WWP1: variants seen among roughly 807,000 people sequenced by gnomAD.
The protein encoded by WWP1 is WW domain containing E3 ubiquitin protein ligase 1.
A neutral mutation model predicts 130.6 loss-of-function variants in WWP1; 49 were observed. The ratio of observed to expected loss-of-function variants is 0.38; its 90% CI spans 0.30 to 0.48. WWP1 has a LOEUF of 0.48. Ranked by LOEUF, WWP1 falls within the 20% of genes least tolerant of loss-of-function variation. The pLI is 0.99. For missense variants in WWP1, 809 were observed against 1,100.6 expected (o/e 0.74, Z 3.75); for synonymous variants, 332 against 367.8 (o/e 0.90, Z 1.11).
chr8:86,424,180 G>T (rs1028055457), intron 9 of WWP1, among the ~76,000 whole-genome samples: 1 of 151,602 alleles, frequency 6.6e-6, no homozygotes, highest in African/African-American at 2.4e-5. Flanking sequence ...TCACGGCTCG[G>T]CAGAGGCGCT....
chr8:86,400,525 A>G (rs925891962), intron 7 of WWP1, among the ~76,000 whole-genome samples: 3 of 152,154 alleles, frequency 2.0e-5, no homozygotes, highest in Non-Finnish European at 4.4e-5. Flanking sequence ...TTAATAAGCC[A>G]CAAATGAACC....
At chr8:86,358,249 A>G (rs1449769756) in intron 1 of WWP1, among the ~76,000 whole-genome samples, 1 of 152,096 alleles carries the variant, frequency 6.6e-6, no homozygotes, top group African/African-American at 2.4e-5. Flanking sequence ...ATGGACTTGA[A>G]TCTTAGATTA....
chr8:86,405,353 A>T, intron 8 of WWP1, among the ~76,000 whole-genome samples: 2 of 138,732 alleles, frequency 1.4e-5, no homozygotes. Context: ...TTTTTGGTAA[A>T]CTCATTTGAT....
intron 20 of WWP1, 70 bp from the exon 21 acceptor site, chr8:86,452,489 T>G: frequency 7.5e-7 from 1 of 1,341,932 alleles, no homozygotes; most frequent in Non-Finnish European, 1.0e-6. Context: ...ACTATAGAAG[T>G]TCTTGGTGTT....
intron 1 of WWP1, among the ~76,000 whole-genome samples, chr8:86,367,032 A>G (rs1277914646): frequency 6.6e-6 from 1 of 152,170 alleles, no homozygotes; most frequent in Admixed American, 6.5e-5. Context: ...ACATTCATTG[A>G]GTTTTAAATT....
intron 8 of WWP1, among the ~76,000 whole-genome samples, chr8:86,406,299 A>G (rs1000503929): frequency 2.0e-5 from 3 of 152,226 alleles, no homozygotes; most frequent in Non-Finnish European, 2.9e-5. Context: ...GGAGAGTGGT[A>G]TTTAAGAAAA....
chr8:86,430,295 T>C (rs1809864050), intron 11 of WWP1, among the ~76,000 whole-genome samples: 1 of 152,150 alleles, frequency 6.6e-6, no homozygotes, highest in Admixed American at 6.6e-5. Flanking sequence ...GATATATTTT[T>C]GAGACAGCTT....
chr8:86,345,512 A>T (rs1385130746), intron 1 of WWP1, among the ~76,000 whole-genome samples: 1 of 151,870 alleles, frequency 6.6e-6, no homozygotes, highest in Admixed American at 6.6e-5. Flanking sequence ...CAGGCTCAAG[A>T]GATTCTCCTG....
At chr8:86,403,696 A>G (rs1808125008) in intron 8 of WWP1, among the ~76,000 whole-genome samples, 1 of 152,134 alleles carries the variant, frequency 6.6e-6, no homozygotes, top group Non-Finnish European at 1.5e-5. Context: ...GAACTGACAC[A>G]TGAATGATAT....
rs559977020 is a variant in WWP1, at chr8:86,422,294, G to C, written c.1062-2929G>C. 3.4e-4 allele frequency among the ~76,000 whole-genome samples: 51 copies of C among 151,052 alleles called. 1 individual carries two copies. In the South Asian group the frequency reaches 0.011, roughly 31 times the overall value. On this transcript the variant is annotated intron_variant, in intron 9 of 24. Coordinates refer to ENST00000517970, the MANE Select transcript of WWP1 (RefSeq NM_007013.4). ...TTGTATTTTAAAATTGAAAACTAGT[G>C]TCTTAAACTCAGAAGTACCAGTTTG...
In WWP1 at chr8:86,348,575, T is replaced by C. The variant is rs75634464; in HGVS notation, c.-115+5645T>C. ...ACAGCACATACTGGCGTACCTACTA[T>C]GTGCCAGACATATTTCTAGGTGCTG... On this transcript the variant is annotated intron_variant, in intron 1 of 24. Coordinates refer to ENST00000517970, the MANE Select transcript of WWP1 (RefSeq NM_007013.4). Among the ~76,000 whole-genome samples, 1,397 of 152,312 alleles carry C rather than the reference T, an allele frequency of 9.2e-3. 14 individuals are homozygous for C. Among genetic ancestry groups the C allele is most frequent in the Non-Finnish European group, 0.016 (1,078 of 68,036 alleles).
At chr8:86,381,446 TTATTAA>T in intron 4 of WWP1, 53 bp from the exon 5 acceptor site, 16 of 1,542,340 alleles carry the variant, frequency 1.0e-5, no homozygotes, top group Non-Finnish European at 1.3e-5. Context: ...GAATTGTTAC[TTATTAA>T]TAGAATGACA....
At chr8:86,461,426 G>A (rs777878304) in intron 23 of WWP1, 106 bp downstream of exon 23, 40 of 973,882 alleles carry the variant, frequency 4.1e-5, no homozygotes, top group Non-Finnish European at 6.1e-5. Flanking sequence ...CTTCTGTGCT[G>A]TAGGTAGGGC....
chr8:86,430,354 C>T (rs986025281), intron 11 of WWP1, among the ~76,000 whole-genome samples: 2 of 152,074 alleles, frequency 1.3e-5, no homozygotes, highest in Admixed American at 6.5e-5. Flanking sequence ...GATCACAGTT[C>T]ACTGTAGCCT....
At chr8:86,361,904 G>A (rs1823621962) in intron 1 of WWP1, among the ~76,000 whole-genome samples, 1 of 150,916 alleles carries the variant, frequency 6.6e-6, no homozygotes, top group Non-Finnish European at 1.5e-5. Context: ...AGAGCAAAGA[G>A]CATATTTTAT....
chr8:86,420,417 C>T (rs1434377759), intron 9 of WWP1, among the ~76,000 whole-genome samples: 3 of 152,084 alleles, frequency 2.0e-5, no homozygotes, highest in Non-Finnish European at 2.9e-5. Context: ...TGTTCCATGG[C>T]TCATCTGTGG....
chr8:86,380,048 G>A (rs1432720607), intron 3 of WWP1, among the ~76,000 whole-genome samples: 1 of 152,120 alleles, frequency 6.6e-6, no homozygotes, highest in Non-Finnish European at 1.5e-5. Context: ...CCACAAAAAA[G>A]CCTGTGCACA....
In WWP1 at chr8:86,411,554, C is replaced by T; in HGVS notation, c.741C>T (p.Ser247=). ...PADDTVNGES[S]SFAPTDNASV... The stretch of plus-strand genomic sequence containing the variant: ...CCTTCTCAGTTAATGGAGAATCATC[C>T]TCATTTGCACCAACTGATAATGCGT... Residue 247 remains serine (S), a synonymous_variant, in exon 9 of 25, where the codon TCC becomes TCT. Coordinates refer to ENST00000517970, the MANE Select transcript of WWP1 (RefSeq NM_007013.4). The T allele has an allele frequency of 6.2e-7, 1 of 1,610,050 alleles. No homozygotes were observed. Among genetic ancestry groups the T allele is most frequent in the Non-Finnish European group, 8.5e-7 (1 of 1,177,314 alleles).
intron 1 of WWP1, among the ~76,000 whole-genome samples, chr8:86,365,675 T>A (rs1188859930): frequency 6.6e-6 from 1 of 152,114 alleles, no homozygotes; most frequent in Non-Finnish European, 1.5e-5. Context: ...AAAGCTTTAA[T>A]TTTTTGGCGG....
Sources: allele counts gnomAD v4.1 joint callset (sites outside exome capture counted in the v4.1 genomes callset), GRCh38; gene constraint gnomAD v4.1.1; transcripts MANE v1.5; gene names NCBI Gene and HGNC (gene_info 2026-07-23, HGNC 2026-07-21).